Variants in CTIF observed in about 807,000 individuals in gnomAD.
The protein encoded by CTIF is cap binding complex dependent translation initiation factor.
Under a neutral mutation model 66.0 loss-of-function variants are expected in CTIF, and 21 were observed. The observed-to-expected ratio is 0.32, with a 90% CI of 0.23 to 0.46. The LOEUF (loss-of-function observed/expected upper bound fraction) is 0.46. Among genes scored for constraint, CTIF ranks in the 20% least tolerant of loss-of-function variants. CTIF has a pLI of 1.00. For missense variants in CTIF, 739 were observed against 812.7 expected (o/e 0.91, Z 1.10); for synonymous variants, 345 against 326.4 (o/e 1.06, Z -0.62).
intron 6 of CTIF, among the ~76,000 whole-genome samples, chr18:48,681,842 A>G (rs1260830766): frequency 2.0e-5 from 3 of 151,852 alleles, no homozygotes; most frequent in Non-Finnish European, 4.4e-5. Context: ...CTGGAGTACA[A>G]TGGCTCGATC....
chr18:48,695,508 T>A (rs535409919), intron 6 of CTIF, among the ~76,000 whole-genome samples: 6 of 152,166 alleles, frequency 3.9e-5, no homozygotes, highest in Non-Finnish European at 8.8e-5. Flanking sequence ...GGAATAGGCT[T>A]TGATGTTAGA....
chr18:48,570,708 C>T (rs2089397463), intron 1 of CTIF, among the ~76,000 whole-genome samples: 1 of 152,052 alleles, frequency 6.6e-6, no homozygotes, highest in Admixed American at 6.6e-5. Context: ...GTGGGAGAGG[C>T]GTGCTTAAGG....
intron 1 of CTIF, among the ~76,000 whole-genome samples, chr18:48,617,114 A>T (rs2090414088): frequency 6.6e-6 from 1 of 152,222 alleles, no homozygotes; most frequent in African/African-American, 2.4e-5. Context: ...ATTGGTTCTC[A>T]GATGAATTTA....
chr18:48,606,285 G>C (rs1245642242), intron 1 of CTIF, among the ~76,000 whole-genome samples: 1 of 152,206 alleles, frequency 6.6e-6, no homozygotes, highest in African/African-American at 2.4e-5. Flanking sequence ...CATGCCACAA[G>C]GAGTGGGAAT....
At chr18:48,702,598 C>T (rs374749588) in intron 6 of CTIF, among the ~76,000 whole-genome samples, 36 of 152,250 alleles carry the variant, frequency 2.4e-4, no homozygotes, top group African/African-American at 7.5e-4. Context: ...CAGGGCTCAG[C>T]GGCAGCTTCC....
At chr18:48,722,622 G>A (rs558390476) in intron 7 of CTIF, among the ~76,000 whole-genome samples, 6 of 150,780 alleles carry the variant, frequency 4.0e-5, no homozygotes, top group South Asian at 4.2e-4. Context: ...GCACCCGGCC[G>A]TACTCATCGG....
rs542150566 is a variant in CTIF, at chr18:48,592,365, C to T, written c.-28-27173C>T. On this transcript the variant is annotated intron_variant, in intron 1 of 11. Coordinates refer to ENST00000256413, the MANE Select transcript of CTIF (RefSeq NM_014772.3). Reference sequence around the variant, plus strand: ...CTACAAAATTAGCTGGGTGTGGTGGCGCATGCCTGTAATCCCAGCTACTCG... The same window carrying T: ...CTACAAAATTAGCTGGGTGTGGTGGTGCATGCCTGTAATCCCAGCTACTCG... Among the ~76,000 whole-genome samples, 533 of 151,994 alleles carry T rather than the reference C, an allele frequency of 3.5e-3. 3 individuals carry two copies. Among genetic ancestry groups the T allele is most frequent in the African/African-American group, 0.011 (455 of 41,468 alleles).
intron 6 of CTIF, among the ~76,000 whole-genome samples, chr18:48,678,532 G>A (rs2091680189): frequency 6.6e-6 from 1 of 151,992 alleles, no homozygotes; most frequent in Admixed American, 6.6e-5. Flanking sequence ...CAGGTCCACT[G>A]GGAAGGGGCA....
intron 1 of CTIF, chr18:48,568,450 CCTT>C (rs1568037654): frequency 6.6e-6 from 1 of 151,878 alleles, no homozygotes; most frequent in African/African-American, 2.4e-5. Context: ...GACAGGCACT[CCTT>C]CTGTAGTAGT....
intron 2 of CTIF, among the ~76,000 whole-genome samples, chr18:48,628,986 T>G (rs567608058): frequency 2.0e-5 from 3 of 152,196 alleles, no homozygotes; most frequent in Non-Finnish European, 4.4e-5. Flanking sequence ...GAAGATGTCA[T>G]GCACACTCCT....
intron 6 of CTIF, among the ~76,000 whole-genome samples, chr18:48,692,099 C>G (rs1303343187): frequency 1.3e-5 from 2 of 152,186 alleles, no homozygotes; most frequent in East Asian, 3.8e-4. Flanking sequence ...CCAGGTTGGT[C>G]TCAAACTCCT....
intron 10 of CTIF, among the ~76,000 whole-genome samples, chr18:48,848,310 C>T (rs1190968579): frequency 2.6e-5 from 4 of 152,228 alleles, no homozygotes; most frequent in Non-Finnish European, 5.9e-5. Flanking sequence ...AGCTCCCAGG[C>T]TGGCTTTGTT....
At chr18:48,741,967 C>G (rs1428690617) in intron 7 of CTIF, among the ~76,000 whole-genome samples, 1 of 152,230 alleles carries the variant, frequency 6.6e-6, no homozygotes, top group Non-Finnish European at 1.5e-5. Flanking sequence ...ACCAGGGCTC[C>G]TGACCCACAG....
chr18:48,849,108 T>C (rs1050597930), intron 10 of CTIF, among the ~76,000 whole-genome samples: 2 of 151,460 alleles, frequency 1.3e-5, no homozygotes, highest in Admixed American at 1.3e-4. Context: ...GTCTCCTTCA[T>C]GGATGCAGCT....
At chr18:48,854,417 G>A (rs560240104) in intron 10 of CTIF, among the ~76,000 whole-genome samples, 3 of 152,254 alleles carry the variant, frequency 2.0e-5, no homozygotes, top group South Asian at 2.1e-4. Context: ...GAAACCCATG[G>A]CTTTAACCAA....
intron 2 of CTIF, chr18:48,621,676 G>A (rs1330486158): frequency 3.4e-6 from 1 of 292,312 alleles, no homozygotes; most frequent in Non-Finnish European, 6.6e-6. Context: ...CTGAGCAGGG[G>A]GCCGTGACGG....
chr18:48,743,449 T>G (rs1248858195), intron 7 of CTIF, among the ~76,000 whole-genome samples: 1 of 152,224 alleles, frequency 6.6e-6, no homozygotes, highest in African/African-American at 2.4e-5. Context: ...TGAAATCAGT[T>G]TTTGCTTTTT....
intron 9 of CTIF, among the ~76,000 whole-genome samples, chr18:48,778,632 C>T (rs1186088741): frequency 2.6e-5 from 4 of 152,204 alleles, no homozygotes; most frequent in Admixed American, 2.0e-4. Context: ...GAAGGCCTCT[C>T]CCATCAACCA....
intron 8 of CTIF, among the ~76,000 whole-genome samples, chr18:48,759,218 C>T (rs1488041295): frequency 6.6e-6 from 1 of 152,220 alleles, no homozygotes; most frequent in Non-Finnish European, 1.5e-5. Context: ...GGAAAGGTCA[C>T]CCTGGAGAGG....
Sources: allele counts gnomAD v4.1 joint callset (sites outside exome capture counted in the v4.1 genomes callset), GRCh38; gene constraint gnomAD v4.1.1; transcripts MANE v1.5; gene names NCBI Gene and HGNC (gene_info 2026-07-23, HGNC 2026-07-21).